CDC42BPA: variants seen among roughly 807,000 people sequenced by gnomAD.
The protein encoded by CDC42BPA is serine/threonine-protein kinase MRCK alpha.
In CDC42BPA, 80 loss-of-function variants were observed where a neutral mutation model predicts 223.5. The ratio of observed to expected loss-of-function variants is 0.36; its 90% CI spans 0.30 to 0.43. CDC42BPA has a LOEUF of 0.43. Among genes scored for constraint, CDC42BPA ranks in the 20% least tolerant of loss-of-function variants. The pLI is 1.00. For missense variants in CDC42BPA, 1,743 were observed against 2,099.9 expected (o/e 0.83, Z 3.32); for synonymous variants, 694 against 718.6 (o/e 0.97, Z 0.55).
intron 26 of CDC42BPA, among the ~76,000 whole-genome samples, chr1:227,034,129 G>A (rs1301654287): frequency 6.6e-6 from 1 of 152,170 alleles, no homozygotes; most frequent in African/African-American, 2.4e-5. Flanking sequence ...TCAATGCAGA[G>A]GAGATGGCTG....
intron 35 of CDC42BPA, among the ~76,000 whole-genome samples, chr1:226,998,657 A>C (rs1251935823): frequency 6.6e-6 from 1 of 152,240 alleles, no homozygotes; most frequent in Non-Finnish European, 1.5e-5. Context: ...AGATGGATTA[A>C]AGATTTAAAC....
chr1:227,069,840 T>C lies in CDC42BPA; in HGVS notation c.2841A>G (p.Gln947=). Residue 947 remains glutamine, a synonymous_variant, in exon 21 of 37, where the codon CAA becomes CAG. Coordinates refer to ENST00000366766, the MANE Select transcript of CDC42BPA (RefSeq NM_001394014.1). ...ATGCCAAGAAAGAATGCTGTGAGTC[T>C]TGGTGCTCTATACCTAGAAGACAGC... The part of the protein sequence containing the change: ...ELRSEKGIEH[Q]DSQHSFLAFL... The C allele has an allele frequency of 1.2e-6, 2 of 1,611,452 alleles. No individual in the cohort carries two copies. The highest frequency in any genetic ancestry group is 1.7e-6 in the Non-Finnish European group (2 of 1,177,972).
chr1:227,021,254 G>T (rs1044581835), intron 32 of CDC42BPA, among the ~76,000 whole-genome samples: 1 of 152,066 alleles, frequency 6.6e-6, no homozygotes, highest in African/African-American at 2.4e-5. Context: ...TAGAGGCAGG[G>T]TTACCATAAA....
At chr1:227,152,150 T>C (rs1298998587) in intron 6 of CDC42BPA, among the ~76,000 whole-genome samples, 1 of 152,214 alleles carries the variant, frequency 6.6e-6, no homozygotes, top group African/African-American at 2.4e-5. Context: ...GACATATGAT[T>C]TGCAAATATT....
intron 23 of CDC42BPA, among the ~76,000 whole-genome samples, chr1:227,041,879 A>G (rs1671447229): frequency 6.6e-6 from 1 of 152,234 alleles, no homozygotes; most frequent in Admixed American, 6.5e-5. Flanking sequence ...CAGACACTGT[A>G]CCAGTACTTT....
At chr1:227,210,488 T>C (rs1166209095) in intron 3 of CDC42BPA, among the ~76,000 whole-genome samples, 1 of 152,198 alleles carries the variant, frequency 6.6e-6, no homozygotes, top group East Asian at 1.9e-4. Flanking sequence ...GAAGTGAGTC[T>C]ATTCCATCTT....
chr1:227,095,589 GTTTT>G (rs35570582), intron 15 of CDC42BPA, among the ~76,000 whole-genome samples: 1 of 127,582 alleles, frequency 7.8e-6, no homozygotes, highest in Non-Finnish European at 1.7e-5. Context: ...AAGTTCTTTG[GTTTT>G]TTTTTTTTTT....
At chr1:227,032,971 T>G (rs1669577665) in intron 27 of CDC42BPA, among the ~76,000 whole-genome samples, 1 of 152,244 alleles carries the variant, frequency 6.6e-6, no homozygotes, top group African/African-American at 2.4e-5. Context: ...TACAAAGCAG[T>G]AAGTAACAAA....
In CDC42BPA at chr1:227,039,816, A is replaced by G. The variant is rs576638836; in HGVS notation, c.3199+315T>C. Among the ~76,000 whole-genome samples, 257 of 152,322 alleles carry G rather than the reference A, an allele frequency of 1.7e-3. 2 individuals are homozygous for G. Among genetic ancestry groups the G allele is most frequent in the African/African-American group, 5.4e-3 (223 of 41,572 alleles). On this transcript the variant is annotated intron_variant, in intron 24 of 36. Transcript: ENST00000366766. ...AGGTTCCCACACTGTCTACTTTTTA[A>G]TAACAATTTCTCTAATAAATTAAAC... is the stretch of plus-strand genomic sequence containing the variant.
chr1:227,016,770 CACTG>C (rs1424929747), intron 33 of CDC42BPA, among the ~76,000 whole-genome samples, 153 bp downstream of exon 33: 1 of 152,136 alleles, frequency 6.6e-6, no homozygotes, highest in African/African-American at 2.4e-5. Context: ...ATTAAAATGA[CACTG>C]AGAAGTTACA....
At chr1:227,311,164 G>A (rs960352140) in intron 1 of CDC42BPA, among the ~76,000 whole-genome samples, 4 of 126,860 alleles carry the variant, frequency 3.2e-5, no homozygotes, top group African/African-American at 1.2e-4. Flanking sequence ...GACCAGTCAG[G>A]ACAACATAAT....
chr1:227,077,378 T>C (rs1254366619), intron 17 of CDC42BPA, among the ~76,000 whole-genome samples: 2 of 152,220 alleles, frequency 1.3e-5, no homozygotes, highest in African/African-American at 4.8e-5. Flanking sequence ...GCTATTACTA[T>C]ACACAAATGA....
chr1:227,162,965 C>T (rs942471249), intron 5 of CDC42BPA, among the ~76,000 whole-genome samples: 1 of 134,672 alleles, frequency 7.4e-6, no homozygotes. Context: ...TGTTTCCAAA[C>T]GTGTGTATGT....
chr1:227,112,678 T>C lies in CDC42BPA; in HGVS notation c.1883A>G (p.Lys628Arg). 6.2e-7 allele frequency: 1 copy of C among 1,613,470 alleles called. No individual in the cohort carries two copies. The highest frequency in any genetic ancestry group is 8.5e-7 in the Non-Finnish European group (1 of 1,179,840). Residue 628 changes from lysine to arginine, a missense_variant, in exon 13 of 37, where the codon AAA becomes AGA. Lys to Arg is a conservative substitution (Grantham distance 26). Coordinates refer to ENST00000366766, the MANE Select transcript of CDC42BPA (RefSeq NM_001394014.1). Reference protein sequence around the residue: ...RQELRRTERAKKELEVHTEAL... With the variant: ...RQELRRTERARKELEVHTEAL... Reference sequence around the variant, plus strand: ...ATTTGCCTGACTACTAACCTCTTTTTTGGCTCTTTCTGTTCTGCGCAGTTC... The same window carrying C: ...ATTTGCCTGACTACTAACCTCTTTTCTGGCTCTTTCTGTTCTGCGCAGTTC...
chr1:227,168,497 G>GTGTTTTGTTTTTTTTTTTT (rs1302291274), intron 5 of CDC42BPA, among the ~76,000 whole-genome samples: 41 of 80,202 alleles, frequency 5.1e-4, no homozygotes, highest in South Asian at 9.0e-4. Flanking sequence ...CTTCCCTGGT[G>GTGTTTTGTTTTTTTTTTTT]TTTTTTTTTT....
intron 28 of CDC42BPA, 105 bp downstream of exon 28, chr1:227,031,193 C>T: frequency 1.3e-6 from 1 of 795,134 alleles, no homozygotes; most frequent in Non-Finnish European, 2.1e-6. Context: ...TGATATGATG[C>T]ACAGTATGTT....
At chr1:227,243,229 G>GCTTA (rs200087604) in intron 2 of CDC42BPA, among the ~76,000 whole-genome samples, 2,359 of 152,240 alleles carry the variant, frequency 0.015, 56 homozygotes, top group African/African-American at 0.054. Context: ...TGGGTACTGA[G>GCTTA]CTTAATAGGG....
In CDC42BPA at chr1:227,112,806, C is replaced by T. The variant is rs1687148600; in HGVS notation, c.1755G>A (p.Arg585=). The change falls in exon 13 of 37, where the codon CGG becomes CGA. Residue 585 remains arginine (R), a synonymous_variant. Coordinates refer to ENST00000366766, the MANE Select transcript of CDC42BPA (RefSeq NM_001394014.1). ...AMQEFMEINE[R]LTELHTQKQK... is the part of the protein sequence containing the mutation. ...GTTTTTGGGTGTGCAATTCTGTTAG[C>T]CGCTCATTGATCTCCATGAATTCCT... 6.2e-7 allele frequency: 1 copy of T among 1,614,084 alleles called. No individual in the cohort carries two copies. The highest frequency in any genetic ancestry group is 8.5e-7 in the Non-Finnish European group (1 of 1,179,986).
intron 2 of CDC42BPA, among the ~76,000 whole-genome samples, chr1:227,226,675 T>C (rs1459909174): frequency 6.6e-6 from 1 of 152,222 alleles, no homozygotes; most frequent in Non-Finnish European, 1.5e-5. Context: ...CTTTTGTTGA[T>C]GTTTTCTTTT....
Sources: gnomAD v4.1 joint callset for allele counts (sites outside exome capture counted in the v4.1 genomes callset) on GRCh38, gnomAD v4.1.1 for gene constraint, MANE v1.5 for transcripts, NCBI Gene and HGNC (gene_info 2026-07-23, HGNC 2026-07-21) for gene names.